MYO5A: variants seen among roughly 807,000 people sequenced by gnomAD.
MYO5A encodes the protein myosin VA, also known as unconventional myosin-Va.
A neutral mutation model predicts 249.7 loss-of-function variants in MYO5A; 98 were observed. The observed-to-expected ratio is 0.39, with a 90% CI of 0.33 to 0.46. The LOEUF is 0.46. Ranked by LOEUF, MYO5A falls within the 20% of genes least tolerant of loss-of-function variation. The pLI is 0.98. For synonymous variants in MYO5A, 778 were observed against 810.6 expected, an observed-to-expected ratio of 0.96 and a Z score of 0.68; for missense variants, 1,696 against 2,308.8, an observed-to-expected ratio of 0.73 and a Z score of 5.44.
chr15:52,358,228 T>C (rs2040343334), intron 25 of MYO5A, among the ~76,000 whole-genome samples: 1 of 152,170 alleles, frequency 6.6e-6, no homozygotes, highest in Non-Finnish European at 1.5e-5. Flanking sequence ...CACACCCTTT[T>C]TATCATGGCT....
Position 52,428,583 on chromosome 15 carries a change from A to G in MYO5A, c.139-14T>C. The G allele has an allele frequency of 1.9e-6, 3 of 1,613,968 alleles. No homozygotes were observed. The highest frequency in any genetic ancestry group is 2.5e-6 in the Non-Finnish European group (3 of 1,179,824). Reference sequence around the variant, plus strand: ...GTATTCCAAATCCTGAAAATGCACAAGGCACAGCATCTGGATGAATTATGG... The same window carrying G: ...GTATTCCAAATCCTGAAAATGCACAGGGCACAGCATCTGGATGAATTATGG... On this transcript the variant is annotated splice_polypyrimidine_tract_variant and intron_variant, in intron 2 of 41. Coordinates refer to ENST00000399233, the MANE Select transcript of MYO5A (RefSeq NM_001382347.1).
chr15:52,341,948 T>C (rs955912343), intron 31 of MYO5A, among the ~76,000 whole-genome samples: 14 of 152,236 alleles, frequency 9.2e-5, no homozygotes, highest in African/African-American at 3.4e-4. Context: ...TATTCTGAGC[T>C]ATAGCAATGC....
chr15:52,326,670 C>T (rs1365417187), intron 36 of MYO5A, among the ~76,000 whole-genome samples: 2 of 152,076 alleles, frequency 1.3e-5, no homozygotes, highest in Admixed American at 6.6e-5. Context: ...CTTAATGCCA[C>T]GTAACTGTAC....
chr15:52,329,768 T>C (rs1455394029), intron 35 of MYO5A, among the ~76,000 whole-genome samples: 1 of 152,140 alleles, frequency 6.6e-6, no homozygotes, highest in Non-Finnish European at 1.5e-5. Context: ...AGAAAGACTC[T>C]TGCTGTGTAG....
At chr15:52,487,928 G>A (rs2076857974) in intron 1 of MYO5A, among the ~76,000 whole-genome samples, 1 of 151,876 alleles carries the variant, frequency 6.6e-6, no homozygotes, top group African/African-American at 2.4e-5. Context: ...CCCATTCTTT[G>A]GGCTCCAGCA....
chr15:52,347,936 A>G (rs572624517), intron 29 of MYO5A, among the ~76,000 whole-genome samples: 7 of 152,224 alleles, frequency 4.6e-5, no homozygotes, highest in Non-Finnish European at 1.0e-4. Flanking sequence ...ATAAGTAATA[A>G]CTTTCAAAGA....
intron 16 of MYO5A, among the ~76,000 whole-genome samples, chr15:52,382,446 C>T (rs577184815): frequency 6.6e-6 from 1 of 152,148 alleles, no homozygotes; most frequent in East Asian, 1.9e-4. Flanking sequence ...TGGTGCATGC[C>T]TGTAATCCCA....
rs1299591173 is a variant in MYO5A at position 52,391,945 on chromosome 15, C to G, written c.1527G>C (p.Leu509=). Residue 509 remains leucine (L), a synonymous_variant, in exon 12 of 42, where the codon CTG becomes CTC. Coordinates refer to ENST00000399233, the MANE Select transcript of MYO5A (RefSeq NM_001382347.1). ...IESKLGILDL[L]DEECKMPKGT... is the part of the protein sequence containing the mutation. ...TCATACTTACCTTGCATTCCTCATC[C>G]AGTAAATCTAGAATGCCTAGTTTTG... 1.9e-6 allele frequency: 3 copies of G among 1,612,810 alleles called. No homozygotes were observed.
At chr15:52,353,491 A>G in intron 27 of MYO5A, 114 bp downstream of exon 27, 1 of 859,732 alleles carries the variant, frequency 1.2e-6, no homozygotes, top group Admixed American at 1.8e-5. Flanking sequence ...TGAAGCTAGG[A>G]CCTCTGGTGC....
At chr15:52,471,157 T>C (rs989406644) in intron 1 of MYO5A, among the ~76,000 whole-genome samples, 5 of 152,230 alleles carry the variant, frequency 3.3e-5, no homozygotes, top group African/African-American at 4.8e-5. Flanking sequence ...TAGATAAAGA[T>C]AGTCCTGATT....
chr15:52,440,740 CA>C (rs1334727095), intron 1 of MYO5A, among the ~76,000 whole-genome samples: 3 of 152,128 alleles, frequency 2.0e-5, no homozygotes, highest in Non-Finnish European at 4.4e-5. Context: ...CTTTTGGGAA[CA>C]AAACTAACAG....
chr15:52,433,563 G>T (rs1295782829), intron 1 of MYO5A, among the ~76,000 whole-genome samples: 2 of 151,662 alleles, frequency 1.3e-5, no homozygotes, highest in Non-Finnish European at 2.9e-5. Context: ...TGGAATTACA[G>T]GCGCCTGCCA....
chr15:52,486,165 G>A (rs1274201178), intron 1 of MYO5A, among the ~76,000 whole-genome samples: 4 of 152,176 alleles, frequency 2.6e-5, no homozygotes, highest in Non-Finnish European at 4.4e-5. Context: ...TGGGGGTGGG[G>A]GATGGTGAAA....
chr15:52,318,354 G>C (rs575945011), intron 39 of MYO5A, among the ~76,000 whole-genome samples: 1 of 151,172 alleles, frequency 6.6e-6, no homozygotes, highest in Non-Finnish European at 1.5e-5. Context: ...TACTTGGGAG[G>C]CTGAGGCAGG....
intron 1 of MYO5A, among the ~76,000 whole-genome samples, chr15:52,478,991 T>C (rs1196452140): frequency 6.6e-6 from 1 of 152,126 alleles, no homozygotes; most frequent in East Asian, 1.9e-4. Context: ...TAAGTTTTTA[T>C]AAATTTTAAC....
intron 1 of MYO5A, among the ~76,000 whole-genome samples, chr15:52,477,844 G>T (rs1257797248): frequency 1.3e-5 from 2 of 152,220 alleles, no homozygotes; most frequent in Non-Finnish European, 2.9e-5. Flanking sequence ...CTCCCAGTTA[G>T]GCTACTCAGG....
intron 34 of MYO5A, among the ~76,000 whole-genome samples, chr15:52,333,361 G>A (rs1359965422): frequency 6.6e-6 from 1 of 152,208 alleles, no homozygotes; most frequent in African/African-American, 2.4e-5. Context: ...GCACCAGGAA[G>A]ATCTTGATCT....
chr15:52,407,159 G>T, intron 8 of MYO5A, 133 bp downstream of exon 8: 1 of 710,758 alleles, frequency 1.4e-6, no homozygotes, highest in Non-Finnish European at 2.6e-6. Context: ...CTGTCTAAAT[G>T]TGTTCTATGT....
intron 36 of MYO5A, 136 bp from the exon 37 acceptor site, chr15:52,323,580 T>G: frequency 1.5e-6 from 1 of 680,112 alleles, no homozygotes; most frequent in Non-Finnish European, 2.6e-6. Flanking sequence ...ACATTACAGT[T>G]GTGAAGTCTT....
Sources: allele counts gnomAD v4.1 joint callset (sites outside exome capture counted in the v4.1 genomes callset), GRCh38; gene constraint gnomAD v4.1.1; transcripts MANE v1.5; gene names NCBI Gene and HGNC (gene_info 2026-07-23, HGNC 2026-07-21).